The following PCED1B variants were observed in gnomAD, a reference collection of about 807,000 sequenced individuals.
The protein encoded by PCED1B is PC-esterase domain-containing protein 1B.
For missense variants in PCED1B, 573 were observed against 573.9 expected (o/e 1.00, Z 0.02); for synonymous variants, 251 against 246.1 (o/e 1.02, Z -0.19).
At position 47,089,470 on chromosome 12, in the gene PCED1B, ATATATATATATATATATATATATG is replaced by A. The variant is rs1283827073; in HGVS notation, c.-609+9752_-609+9775del. Among the ~76,000 whole-genome samples the A allele has an allele frequency of 4.0e-3, 399 of 99,048 alleles. 23 individuals are homozygous for A. Among genetic ancestry groups the A allele is most frequent in the South Asian group, 0.029 (81 of 2,756 alleles). 65.0% of individuals were successfully genotyped at this position (99,048 alleles called of 152,430 possible). ...TCAAAAAAAAAAAATACATATATAT[ATATATATATATATATATATATATG>A]TATATACCAAAAAACATACCTACCT... On this transcript the variant is annotated intron_variant, in intron 1 of 3. Transcript: ENST00000546455.
intron 2 of PCED1B, among the ~76,000 whole-genome samples, chr12:47,117,559 G>A (rs903317184): frequency 2.0e-5 from 3 of 152,134 alleles, no homozygotes; most frequent in Non-Finnish European, 4.4e-5. Flanking sequence ...AGTATTCCAT[G>A]GTGTATATGT....
At chr12:47,231,620 AATATCTGTATCAGAGAGGC>A (rs1326544664) in intron 3 of PCED1B, among the ~76,000 whole-genome samples, 10 of 152,148 alleles carry the variant, frequency 6.6e-5, no homozygotes, top group Non-Finnish European at 1.5e-4. Flanking sequence ...TTCGCTCAAA[AATATCTGTATCAGAGAGGC>A]ATATTTTGGA....
intron 3 of PCED1B, among the ~76,000 whole-genome samples, chr12:47,218,702 A>C (rs1371580124): frequency 1.4e-5 from 2 of 140,860 alleles, no homozygotes; most frequent in East Asian, 4.1e-4. Context: ...ACAGAGGTGT[A>C]GCTTTATTGC....
At chr12:47,183,166 A>G (rs996214631) in intron 2 of PCED1B, among the ~76,000 whole-genome samples, 6 of 152,218 alleles carry the variant, frequency 3.9e-5, no homozygotes, top group African/African-American at 9.6e-5. Context: ...ACTTTTGCCA[A>G]TTAGGGAAAA....
chr12:47,185,719 G>A (rs11611634), intron 2 of PCED1B, among the ~76,000 whole-genome samples: 3,643 of 151,926 alleles, frequency 0.024, 62 homozygotes, highest in Non-Finnish European at 0.033. Flanking sequence ...AACCTGGGAG[G>A]TGGAGGTTGC....
intron 3 of PCED1B, among the ~76,000 whole-genome samples, chr12:47,233,709 T>C (rs1333586132): frequency 4.6e-5 from 7 of 152,176 alleles, no homozygotes; most frequent in Non-Finnish European, 7.3e-5. Flanking sequence ...CTGAAGGAAA[T>C]ATATGCCCTG....
At chr12:47,225,078 C>T (rs759665016) in intron 3 of PCED1B, among the ~76,000 whole-genome samples, 4 of 152,280 alleles carry the variant, frequency 2.6e-5, no homozygotes, top group Non-Finnish European at 4.4e-5. Flanking sequence ...ATTACAGGCA[C>T]GTGCCACCAT....
At chr12:47,186,345 C>A (rs568735498) in intron 2 of PCED1B, among the ~76,000 whole-genome samples, 1 of 151,780 alleles carries the variant, frequency 6.6e-6, no homozygotes, top group South Asian at 2.1e-4. Context: ...TGTGGGAAGG[C>A]AAATATATGG....
intron 2 of PCED1B, among the ~76,000 whole-genome samples, chr12:47,106,029 T>C (rs1938932583): frequency 6.6e-6 from 1 of 152,124 alleles, no homozygotes; most frequent in South Asian, 2.1e-4. Flanking sequence ...AACTTCAATA[T>C]CCTTTCATCA....
At chr12:47,111,649 C>T (rs1939201439) in intron 2 of PCED1B, among the ~76,000 whole-genome samples, 1 of 152,126 alleles carries the variant, frequency 6.6e-6, no homozygotes. Flanking sequence ...GAGTTTGTCT[C>T]CTGTAGATAC....
intron 2 of PCED1B, among the ~76,000 whole-genome samples, chr12:47,164,216 G>A (rs1479118885): frequency 6.6e-6 from 1 of 152,098 alleles, no homozygotes; most frequent in Non-Finnish European, 1.5e-5. Context: ...AGTTTCAAAA[G>A]TCTTAATGTG....
chr12:47,084,418 A>G (rs1937885207), intron 1 of PCED1B, among the ~76,000 whole-genome samples: 1 of 152,150 alleles, frequency 6.6e-6, no homozygotes. Context: ...GACTGTCTGT[A>G]TTTTCATCAC....
intron 2 of PCED1B, among the ~76,000 whole-genome samples, chr12:47,215,209 C>G (rs1186639783): frequency 6.7e-6 from 1 of 150,320 alleles, no homozygotes; most frequent in Non-Finnish European, 1.5e-5. Flanking sequence ...CAAAAGAAAA[C>G]AAATGCCTAC....
At chr12:47,231,364 T>C (rs1943801734) in intron 3 of PCED1B, among the ~76,000 whole-genome samples, 2 of 151,128 alleles carry the variant, frequency 1.3e-5, no homozygotes, top group Admixed American at 1.3e-4. Flanking sequence ...AAGCTGGGGG[T>C]AGTAAATTCC....
Position 47,235,751 on chromosome 12 carries a change from G to C in PCED1B, c.688G>C (p.Val230Leu). Residue 230 changes from valine (V) to leucine (L), a missense_variant, in exon 4 of 4, where the codon GTG becomes CTG. By Grantham distance (32) the Val-to-Leu change is conservative (BLOSUM62 1). Coordinates refer to ENST00000546455, the MANE Select transcript of PCED1B (RefSeq NM_138371.3). ...GAGGGAGAACCTGCACTGGGACGGG[G>C]TGCACTGGAATGGACGTGTGCACCG... ...HARENLHWDG[V>L]HWNGRVHRCL... is the part of the protein sequence containing the mutation. 6.2e-7 allele frequency: 1 copy of C among 1,601,904 alleles called. No individual in the cohort carries two copies. The highest frequency in any genetic ancestry group is 2.3e-5 in the East Asian group (1 of 44,308).
intron 2 of PCED1B, among the ~76,000 whole-genome samples, chr12:47,199,547 T>C (rs2137699633): frequency 6.6e-6 from 1 of 152,104 alleles, no homozygotes; most frequent in Non-Finnish European, 1.5e-5. Flanking sequence ...AAAAGACAAA[T>C]AGAAAAATAA....
chr12:47,082,551 A>G (rs1937790661), intron 1 of PCED1B, among the ~76,000 whole-genome samples: 1 of 152,216 alleles, frequency 6.6e-6, no homozygotes, highest in Non-Finnish European at 1.5e-5. Flanking sequence ...GTCACTTGTG[A>G]CGGACAGAGT....
In PCED1B at chr12:47,090,823, C is replaced by T. The variant is rs117430473; in HGVS notation, c.-609+11098C>T. ...TAGCCCAAATTCTGTGGCTATATCA[C>T]AATTGGTTTAACTATTTTGTTGTTC... is the stretch of plus-strand genomic sequence containing the variant. On this transcript the variant is annotated intron_variant, in intron 1 of 3. Coordinates refer to ENST00000546455, the MANE Select transcript of PCED1B (RefSeq NM_138371.3). 2.3e-3 allele frequency among the ~76,000 whole-genome samples: 356 copies of T among 152,148 alleles called. 7 individuals are homozygous for T. In the East Asian group the frequency reaches 0.04, roughly 17 times the overall value.
At chr12:47,163,895 A>T (rs765525598) in intron 2 of PCED1B, among the ~76,000 whole-genome samples, 1 of 152,224 alleles carries the variant, frequency 6.6e-6, no homozygotes, top group Non-Finnish European at 1.5e-5. Flanking sequence ...TCACATGATG[A>T]GGGAGGAAAC....
Sources: gnomAD v4.1 joint callset for allele counts (sites outside exome capture counted in the v4.1 genomes callset) on GRCh38, gnomAD v4.1.1 for gene constraint, MANE v1.5 for transcripts, NCBI Gene and HGNC (gene_info 2026-07-23, HGNC 2026-07-21) for gene names.